The following CCDC77 variants were observed in gnomAD, a reference collection of about 807,000 sequenced individuals.
CCDC77 encodes the protein coiled-coil domain containing 77.
In CCDC77, 56 loss-of-function variants were observed where a neutral mutation model predicts 66.8. That is an observed-to-expected ratio of 0.84 (90% CI 0.68 to 1.05). CCDC77 has a LOEUF of 1.05. CCDC77 is among the 50% of genes least tolerant of loss of function. The pLI, the probability that CCDC77 is intolerant of heterozygous loss-of-function variation, is 0.00. For missense variants in CCDC77, 570 were observed against 576.8 expected (o/e 0.99, Z 0.12); for synonymous variants, 196 against 195.2 (o/e 1.00, Z -0.03).
intron 5 of CCDC77, among the ~76,000 whole-genome samples, chr12:419,261 C>A (rs545718138): frequency 6.6e-6 from 1 of 152,222 alleles, no homozygotes; most frequent in Non-Finnish European, 1.5e-5. Flanking sequence ...TGTGTCCCCA[C>A]ATTGACCAGT....
rs562952388 is a variant in CCDC77 at position 423,319 on chromosome 12, T to G, written c.413+4683T>G. On this transcript the variant is annotated intron_variant, in intron 5 of 12. Transcript: ENST00000239830. ...TTATATATATATATATTTTTTTTTT[T>G]TGTGGAGACAAGGTTTCACCATGTT... is the stretch of plus-strand genomic sequence containing the variant. 6.0e-3 allele frequency among the ~76,000 whole-genome samples: 873 copies of G among 146,250 alleles called. 3 individuals carry two copies. Among genetic ancestry groups the G allele is most frequent in the Middle Eastern group, 0.029 (8 of 278 alleles).
intron 4 of CCDC77, among the ~76,000 whole-genome samples, chr12:416,217 G>A (rs984286840): frequency 4.0e-5 from 6 of 150,508 alleles, no homozygotes; most frequent in East Asian, 1.9e-4. Flanking sequence ...TTGGGATTAC[G>A]GGCGTGAGTC....
intron 1 of CCDC77, among the ~76,000 whole-genome samples, chr12:394,434 A>T (rs1356055299): frequency 6.6e-6 from 1 of 152,240 alleles, no homozygotes; most frequent in Non-Finnish European, 1.5e-5. Flanking sequence ...GACTCCAAGT[A>T]TGGTTTGGTG....
intron 2 of CCDC77, among the ~76,000 whole-genome samples, chr12:408,972 G>A (rs556976451): frequency 2.6e-5 from 4 of 152,220 alleles, no homozygotes; most frequent in African/African-American, 4.8e-5. Context: ...TTGGGAGGCC[G>A]AGGCAGGTGG....
At chr12:436,519 C>T (rs146849916) in intron 9 of CCDC77, among the ~76,000 whole-genome samples, 4,161 of 152,174 alleles carry the variant, frequency 0.027, 128 homozygotes, top group African/African-American at 0.076. Flanking sequence ...CCATCGCGCC[C>T]GGTCTGCTAT....
chr12:404,230 C>A (rs552588489), intron 1 of CCDC77, among the ~76,000 whole-genome samples: 1 of 152,326 alleles, frequency 6.6e-6, no homozygotes, highest in East Asian at 1.9e-4. Context: ...GCAGGAGAAT[C>A]ACTTGAACCC....
chr12:426,704 C>T (rs926324637), intron 5 of CCDC77, among the ~76,000 whole-genome samples: 39 of 152,072 alleles, frequency 2.6e-4, no homozygotes, highest in African/African-American at 8.7e-4. Flanking sequence ...GCCACAATTC[C>T]ATTTATTCCA....
chr12:391,620 CAG>C (rs1336952706), intron 1 of CCDC77, among the ~76,000 whole-genome samples: 5 of 152,172 alleles, frequency 3.3e-5, no homozygotes, highest in Admixed American at 3.3e-4. Context: ...TTCAAATTAA[CAG>C]AGCGTGAGAA....
chr12:423,477 G>GTTTTTTTTTTTTTTTTTTTTT (rs1565572179), intron 5 of CCDC77, among the ~76,000 whole-genome samples: 2 of 24,958 alleles, frequency 8.0e-5, no homozygotes, highest in Non-Finnish European at 1.0e-4. Flanking sequence ...TGTGTTTTTT[G>GTTTTTTTTTTTTTTTTTTTTT]TGTTTTTTTT....
intron 10 of CCDC77, 22 bp downstream of exon 10, chr12:438,576 G>A (rs764477317): frequency 1.9e-6 from 3 of 1,551,084 alleles, no homozygotes; most frequent in African/African-American, 2.8e-5. Context: ...ATGTCGTAAC[G>A]AAGTTGTTTA....
At chr12:404,417 A>G (rs895270064) in intron 1 of CCDC77, among the ~76,000 whole-genome samples, 10 of 152,220 alleles carry the variant, frequency 6.6e-5, no homozygotes, top group African/African-American at 2.4e-4. Context: ...GAAAAGAGCA[A>G]TTGAATTTAT....
chr12:427,817 T>TA (rs1945563674), intron 5 of CCDC77, among the ~76,000 whole-genome samples: 1 of 152,286 alleles, frequency 6.6e-6, no homozygotes, highest in East Asian at 1.9e-4. Flanking sequence ...AGTCCAGACC[T>TA]AAGCTATCTT....
At chr12:437,684 A>G (rs913990202) in intron 9 of CCDC77, among the ~76,000 whole-genome samples, 2 of 151,880 alleles carry the variant, frequency 1.3e-5, no homozygotes, top group African/African-American at 4.8e-5. Context: ...ATCTCCACAC[A>G]CACACAAATT....
intron 9 of CCDC77, among the ~76,000 whole-genome samples, chr12:437,228 A>G (rs1421314522): frequency 6.6e-6 from 1 of 152,140 alleles, no homozygotes; most frequent in Non-Finnish European, 1.5e-5. Flanking sequence ...ACTTCCAGGG[A>G]TATTGTTTTT....
intron 5 of CCDC77, among the ~76,000 whole-genome samples, chr12:426,437 T>C (rs1231552049): frequency 6.6e-6 from 1 of 152,202 alleles, no homozygotes; most frequent in Non-Finnish European, 1.5e-5. Flanking sequence ...CCATCTGGTT[T>C]TGTATGGGTC....
intron 8 of CCDC77, 29 bp from the exon 9 acceptor site, chr12:433,145 G>T: frequency 6.3e-7 from 1 of 1,589,458 alleles, no homozygotes; most frequent in Non-Finnish European, 8.6e-7. Flanking sequence ...AGTAGGGCTG[G>T]ATTCCTCACC....
intron 10 of CCDC77, among the ~76,000 whole-genome samples, chr12:440,382 A>G (rs542318643): frequency 6.6e-6 from 1 of 152,342 alleles, no homozygotes; most frequent in South Asian, 2.1e-4. Flanking sequence ...GAGTCTTCCC[A>G]GAGCCAAAAA....
At chr12:429,420 A>G (rs1433908228) in intron 6 of CCDC77, among the ~76,000 whole-genome samples, 3 of 150,940 alleles carry the variant, frequency 2.0e-5, no homozygotes, top group African/African-American at 7.3e-5. Context: ...ACATATCTGT[A>G]TACGTATACT....
At chr12:441,079 G>A in intron 12 of CCDC77, 83 bp downstream of exon 12, 1 of 1,434,542 alleles carries the variant, frequency 7.0e-7, no homozygotes. Flanking sequence ...TGAAAAGAAG[G>A]ATGTGCTGTT....
Sources: gnomAD v4.1 joint callset for allele counts (sites outside exome capture counted in the v4.1 genomes callset) on GRCh38, gnomAD v4.1.1 for gene constraint, MANE v1.5 for transcripts, NCBI Gene and HGNC (gene_info 2026-07-23, HGNC 2026-07-21) for gene names.